The following CDH13 variants were observed in gnomAD, a reference collection of about 807,000 sequenced individuals.
CDH13 encodes the protein cadherin-13.
Under a neutral mutation model 63.8 loss-of-function variants are expected in CDH13, and 24 were observed. The ratio of observed to expected loss-of-function variants is 0.38; its 90% CI spans 0.27 to 0.53. The LOEUF is 0.53. Among genes scored for constraint, CDH13 ranks in the 20% least tolerant of loss-of-function variants. CDH13 has a pLI of 0.85. For synonymous variants in CDH13, 503 were observed against 355.3 expected, an observed-to-expected ratio of 1.42 and a Z score of -4.67; for missense variants, 1,049 against 903.1, an observed-to-expected ratio of 1.16 and a Z score of -2.07.
At chr16:83,631,499 G>T (rs1910777203) in intron 8 of CDH13, among the ~76,000 whole-genome samples, 1 of 152,006 alleles carries the variant, frequency 6.6e-6, no homozygotes. Context: ...GGGGAAGGTG[G>T]GTTCTCCTGA....
At chr16:83,380,835 T>G (rs377680411) in intron 6 of CDH13, among the ~76,000 whole-genome samples, 16,213 of 151,690 alleles carry the variant, frequency 0.11, 1,106 homozygotes, top group Non-Finnish European at 0.16. Flanking sequence ...CCCAAGGTTT[T>G]TTTTTTTTTT....
intron 1 of CDH13, among the ~76,000 whole-genome samples, chr16:82,769,590 A>G (rs1479229859): frequency 3.9e-5 from 6 of 152,332 alleles, no homozygotes; most frequent in African/African-American, 9.6e-5. Flanking sequence ...GCCACCCTAC[A>G]TATAAGTGAA....
rs535025778 is a variant in CDH13, at chr16:83,794,895, C to A, written c.2135-128C>A. ...GTGATCCTTAAGGAAAAAAAAAATT[C>A]CCCCATAGTCGTGTGATGTTTAAAA... is the stretch of plus-strand genomic sequence containing the variant. On this transcript the variant is annotated intron_variant, in intron 13 of 13. Transcript: ENST00000567109. 8.5e-5 allele frequency: 70 copies of A among 823,214 alleles called. No individual in the cohort carries two copies. The South Asian group carries it at 9.7e-4, about 11-fold the overall frequency. 51.0% of individuals were successfully genotyped at this position (823,214 alleles called of 1,614,324 possible). A position where few individuals can be genotyped will look rare whatever the true frequency, so the allele number is the denominator to read the frequency against.
chr16:83,002,788 C>G (rs1410646147), intron 2 of CDH13, among the ~76,000 whole-genome samples: 3 of 152,052 alleles, frequency 2.0e-5, no homozygotes, highest in Admixed American at 6.5e-5. Context: ...GAAAAGCTGT[C>G]TAGACAGAAG....
At chr16:82,867,227 C>T (rs948148077) in intron 2 of CDH13, among the ~76,000 whole-genome samples, 1 of 152,118 alleles carries the variant, frequency 6.6e-6, no homozygotes, top group Non-Finnish European at 1.5e-5. Flanking sequence ...AATTTGAACC[C>T]AGGATTTTAG....
chr16:83,308,649 C>A (rs1194692105), intron 5 of CDH13, among the ~76,000 whole-genome samples: 1 of 152,224 alleles, frequency 6.6e-6, no homozygotes, highest in Non-Finnish European at 1.5e-5. Flanking sequence ...AAGAACCTTT[C>A]CTAAGCCCAC....
intron 10 of CDH13, among the ~76,000 whole-genome samples, chr16:83,729,916 A>C (rs1179831953): frequency 6.6e-6 from 1 of 152,246 alleles, no homozygotes; most frequent in Non-Finnish European, 1.5e-5. Flanking sequence ...GGCTTCATAC[A>C]AAGAGGGGTT....
intron 1 of CDH13, among the ~76,000 whole-genome samples, chr16:82,695,697 T>C (rs928805546): frequency 1.3e-5 from 2 of 152,198 alleles, no homozygotes; most frequent in African/African-American, 2.4e-5. Context: ...GAAAGAGACA[T>C]GATTGTTAGG....
intron 2 of CDH13, among the ~76,000 whole-genome samples, chr16:82,933,992 C>A (rs1427266476): frequency 6.6e-6 from 1 of 152,182 alleles, no homozygotes; most frequent in Non-Finnish European, 1.5e-5. Context: ...GTGCTCTGTG[C>A]AAGCTGTCCA....
intron 7 of CDH13, among the ~76,000 whole-genome samples, chr16:83,534,356 TC>T (rs1359410516): frequency 6.6e-6 from 1 of 152,244 alleles, no homozygotes. Flanking sequence ...TCTTCATTTT[TC>T]CTTTTCCTGT....
intron 1 of CDH13, among the ~76,000 whole-genome samples, chr16:82,750,429 G>C (rs934681345): frequency 1.3e-5 from 2 of 152,044 alleles, no homozygotes; most frequent in Non-Finnish European, 2.9e-5. Context: ...TCCTTCTTTA[G>C]GGAGCTTGTT....
intron 8 of CDH13, among the ~76,000 whole-genome samples, chr16:83,658,571 A>G (rs1181567802): frequency 1.1e-4 from 13 of 122,606 alleles, no homozygotes; most frequent in Admixed American, 3.3e-4. Context: ...ACCAGGTCCC[A>G]TGTCCTCACC....
chr16:82,665,091 G>T (rs62040568), intron 1 of CDH13, among the ~76,000 whole-genome samples: 13 of 152,164 alleles, frequency 8.5e-5, no homozygotes, highest in African/African-American at 7.2e-5. Flanking sequence ...GCTTCCAGGT[G>T]CATTCAAACT....
At chr16:83,754,737 A>G (rs1002151084) in intron 11 of CDH13, among the ~76,000 whole-genome samples, 1 of 152,094 alleles carries the variant, frequency 6.6e-6, no homozygotes, top group African/African-American at 2.4e-5. Context: ...CTTGCCTTCC[A>G]CCATGATTGT....
chr16:82,966,865 G>A (rs1265338406), intron 2 of CDH13, among the ~76,000 whole-genome samples: 8 of 152,000 alleles, frequency 5.3e-5, no homozygotes, highest in Non-Finnish European at 1.2e-4. Flanking sequence ...ACAGAACAAT[G>A]ATCAAATCAG....
intron 4 of CDH13, among the ~76,000 whole-genome samples, chr16:83,133,097 C>A (rs991334422): frequency 1.3e-5 from 2 of 152,176 alleles, no homozygotes; most frequent in Non-Finnish European, 2.9e-5. Flanking sequence ...GTGGTCAATG[C>A]AGTTATAAAG....
intron 10 of CDH13, among the ~76,000 whole-genome samples, chr16:83,734,615 G>C (rs1344987337): frequency 6.6e-6 from 1 of 151,738 alleles, no homozygotes; most frequent in Non-Finnish European, 1.5e-5. Context: ...ATAGCATTAG[G>C]AGATATACCT....
intron 6 of CDH13, among the ~76,000 whole-genome samples, chr16:83,386,395 T>C (rs1348151487): frequency 6.6e-6 from 1 of 152,198 alleles, no homozygotes; most frequent in Non-Finnish European, 1.5e-5. Context: ...GACCCAGCTT[T>C]CTTCCCATGG....
chr16:83,229,612 T>C (rs1213700142), intron 5 of CDH13, among the ~76,000 whole-genome samples: 1 of 152,174 alleles, frequency 6.6e-6, no homozygotes, highest in Non-Finnish European at 1.5e-5. Flanking sequence ...AGATCTTTAT[T>C]ATCCAGAAGG....
Sources: allele counts gnomAD v4.1 joint callset (sites outside exome capture counted in the v4.1 genomes callset), GRCh38; gene constraint gnomAD v4.1.1; transcripts MANE v1.5; gene names NCBI Gene and HGNC (gene_info 2026-07-23, HGNC 2026-07-21).